The following ERMP1 variants were observed in gnomAD, a reference collection of about 807,000 sequenced individuals.
The protein encoded by ERMP1 is Felix-ina.
Under a neutral mutation model 92.0 loss-of-function variants are expected in ERMP1, and 86 were observed. That is an observed-to-expected ratio of 0.93 (90% CI 0.79 to 1.12). ERMP1 has a LOEUF of 1.12. Among genes scored for constraint, ERMP1 ranks in the 50% most tolerant of loss-of-function variants. The pLI, the probability that ERMP1 is intolerant of heterozygous loss-of-function variation, is 0.00. For synonymous variants in ERMP1, 530 were observed against 412.8 expected (o/e 1.28, Z -3.44); for missense variants, 1,342 against 1,116.3 (o/e 1.20, Z -2.88).
chr9:5,854,626 G>C (rs963835388), intron 6 of ERMP1, among the ~76,000 whole-genome samples: 3 of 152,104 alleles, frequency 2.0e-5, no homozygotes, highest in Non-Finnish European at 2.9e-5. Context: ...TCACCTCCTG[G>C]TTTAAGTAAT....
chr9:5,850,929 C>G (rs975820822), intron 6 of ERMP1, among the ~76,000 whole-genome samples: 4 of 152,124 alleles, frequency 2.6e-5, no homozygotes, highest in Non-Finnish European at 5.9e-5. Flanking sequence ...AAGGTTGCAT[C>G]CTTTGAAAAC....
chr9:5,826,621 T>G (rs1829740086), intron 2 of ERMP1, among the ~76,000 whole-genome samples: 1 of 152,188 alleles, frequency 6.6e-6, no homozygotes, highest in South Asian at 2.1e-4. Flanking sequence ...ATACTTGTCT[T>G]GGTGGTGATT....
At chr9:5,861,173 GT>G (rs1484834489) in intron 5 of ERMP1, among the ~76,000 whole-genome samples, 2,039 of 49,422 alleles carry the variant, frequency 0.041, 25 homozygotes, top group Non-Finnish European at 0.056. Context: ...CTTAGGGGGT[GT>G]GTGTGTGTGT....
At position 5,848,669 on chromosome 9, in the gene ERMP1, T is replaced by G. The variant is rs116308405; in HGVS notation, n.3199+10799A>C. ...TGTTCAGAGCTTGAATGCTTACCAC[T>G]GAGTTAAATGACCTCTCTCTACCTC... On this transcript the variant is annotated intron_variant and non_coding_transcript_variant, in intron 6 of 6. Coordinates refer to the ERMP1 transcript ENST00000690753. 4.2e-3 allele frequency among the ~76,000 whole-genome samples: 617 copies of G among 147,918 alleles called. 2 individuals carry two copies. Among genetic ancestry groups the G allele is most frequent in the African/African-American group, 0.015 (587 of 40,032 alleles).
At chr9:5,809,245 C>T (rs1828995543) in intron 8 of ERMP1, among the ~76,000 whole-genome samples, 2 of 151,864 alleles carry the variant, frequency 1.3e-5, no homozygotes, top group Admixed American at 6.6e-5. Flanking sequence ...TGGTCTCGAT[C>T]TCCTGACCTT....
upstream of ERMP1, among the ~76,000 whole-genome samples, chr9:5,834,556 C>G (rs982342889): frequency 8.5e-5 from 13 of 152,154 alleles, no homozygotes; most frequent in African/African-American, 2.7e-4. Flanking sequence ...TGGCAGCAAG[C>G]ATAATTTTAG....
chr9:5,805,275 T>A, intron 9 of ERMP1, 58 bp from the exon 10 acceptor site: 1 of 1,354,036 alleles, frequency 7.4e-7, no homozygotes, highest in South Asian at 1.4e-5. Context: ...AGATATAAAT[T>A]TTTATAGTAC....
intron 11 of ERMP1, among the ~76,000 whole-genome samples, chr9:5,800,128 G>C (rs1442388796): frequency 6.6e-6 from 1 of 152,146 alleles, no homozygotes; most frequent in Non-Finnish European, 1.5e-5. Flanking sequence ...TCTTGAAGCA[G>C]GATCTTTCAC....
intron 6 of ERMP1, among the ~76,000 whole-genome samples, chr9:5,839,053 C>T (rs1309640688): frequency 6.6e-6 from 1 of 152,126 alleles, no homozygotes; most frequent in Admixed American, 6.6e-5. Flanking sequence ...CATTTTAAGC[C>T]TTAGGAAGGC....
At position 5,812,235 on chromosome 9, in the gene ERMP1, A is replaced by G. The variant is rs775203707; in HGVS notation, c.1022-18T>C. On this transcript the variant is annotated intron_variant, in intron 5 of 14. Transcript: ENST00000339450. Reference sequence around the variant, plus strand: ...GTCTATTCCTAAAACATATATATAGAAAAAAAAAAGTCATTTTGCTTTAAA... The same window carrying G: ...GTCTATTCCTAAAACATATATATAGGAAAAAAAAAGTCATTTTGCTTTAAA... 19 of 1,251,840 alleles carry G rather than the reference A, an allele frequency of 1.5e-5. No homozygotes were observed. The highest frequency in any genetic ancestry group is 9.2e-5 in the South Asian group (6 of 65,272). 77.5% of individuals were successfully genotyped at this position (1,251,840 alleles called of 1,614,324 possible).
chr9:5,821,018 T>C (rs2131258354), intron 4 of ERMP1, among the ~76,000 whole-genome samples: 1 of 152,298 alleles, frequency 6.6e-6, no homozygotes, highest in East Asian at 1.9e-4. Context: ...GAAAAAATCA[T>C]GTAAAATTTC....
chr9:5,810,291 A>T lies in ERMP1; in HGVS notation c.1328-60T>A, dbSNP rs1271757064. On this transcript the variant is annotated intron_variant, in intron 7 of 14. Transcript: ENST00000339450. ...TCTTCATCAAATCAGTTATATAACC[A>T]GTCAGTAGAGCTAAATGGGCAAACA... 7 of 1,254,324 alleles carry T rather than the reference A, an allele frequency of 5.6e-6. No homozygotes were observed. In the East Asian group the frequency reaches 1.6e-4, roughly 29 times the overall value. The allele number at this position is 1,254,324 out of a possible 1,614,324, so 77.7% of individuals were successfully genotyped here. A position where few individuals can be genotyped will look rare whatever the true frequency, so the allele number is the denominator to read the frequency against.
rs560206763 is a variant in ERMP1 at position 5,812,410 on chromosome 9, C to T, written c.1022-193G>A. On this transcript the variant is annotated intron_variant, in intron 5 of 14. Transcript: ENST00000339450. Reference sequence around the variant, plus strand: ...CAGTCTATAGCTTTGGTACATAATTCGATACATAATGATTGAAGAAGTATA... The same window carrying T: ...CAGTCTATAGCTTTGGTACATAATTTGATACATAATGATTGAAGAAGTATA... 2.4e-4 allele frequency among the ~76,000 whole-genome samples: 37 copies of T among 152,166 alleles called. 1 individual carries two copies. The South Asian group carries it at 4.8e-3, about 20-fold the overall frequency.
At chr9:5,828,878 G>C (rs7037680) in intron 2 of ERMP1, among the ~76,000 whole-genome samples, 143,802 of 152,200 alleles carry the variant, frequency 0.94, 68,451 homozygotes, top group East Asian at 1. Context: ...TTTATTTGCC[G>C]CTTCCCAGAA....
rs2131193140 is a variant in ERMP1, at chr9:5,787,658, TC to T, written c.2387-66del. The T allele has an allele frequency of 2.7e-6, 4 of 1,500,644 alleles. No homozygotes were observed. In the East Asian group the frequency reaches 9.1e-5, roughly 34 times the overall value. The allele number at this position is 1,500,644 out of a possible 1,614,324, so 93.0% of individuals were successfully genotyped here. On this transcript the variant is annotated intron_variant, in intron 13 of 14. Coordinates refer to ENST00000339450, the MANE Select transcript of ERMP1 (RefSeq NM_024896.3). Reference sequence around the variant, plus strand: ...AAAGGATCAAAAAAATAACCCACAATCCAAACCAGACTTCATAAAGGTTCAT... The same window carrying T: ...AAAGGATCAAAAAAATAACCCACAATCAAACCAGACTTCATAAAGGTTCAT...
intron 4 of ERMP1, among the ~76,000 whole-genome samples, chr9:5,820,534 C>G (rs1024115374): frequency 6.6e-6 from 1 of 152,186 alleles, no homozygotes; most frequent in African/African-American, 2.4e-5. Context: ...CTCTCTCACT[C>G]ATGAAATGAG....
At chr9:5,819,050 CCCAGGAATTCCATT>C (rs1228105438) in intron 4 of ERMP1, among the ~76,000 whole-genome samples, 4 of 152,166 alleles carry the variant, frequency 2.6e-5, no homozygotes, top group Non-Finnish European at 5.9e-5. Flanking sequence ...TACTATACAT[CCCAGGAATTCCATT>C]CCTAGGTATC....
Position 5,805,197 on chromosome 9 carries a change from C to G in ERMP1, c.1744G>C (p.Ala582Pro). ...ATAAACATCCCCAAAAGGTAAAAAG[C>G]AATAAATTTTCCTTGGGCACCTAGG... The part of the protein sequence containing the change: ...KQHGAQGKFI[A>P]FYLLGMFIPY... Residue 582 changes from alanine (A) to proline (P), a missense_variant, in exon 10 of 15, where the codon GCT (alanine) becomes CCT (proline). Transcript: ENST00000339450. 1 of 1,605,286 alleles carries G rather than the reference C, an allele frequency of 6.2e-7. No homozygotes were observed. Among genetic ancestry groups the G allele is most frequent in the Non-Finnish European group, 8.5e-7 (1 of 1,177,278 alleles).
intron 8 of ERMP1, among the ~76,000 whole-genome samples, chr9:5,808,175 T>C (rs1332865628): frequency 2.0e-5 from 3 of 152,174 alleles, no homozygotes; most frequent in Non-Finnish European, 4.4e-5. Flanking sequence ...TAAAGAATAT[T>C]TGTGAAAAGA....
Sources: gnomAD v4.1 joint callset for allele counts (sites outside exome capture counted in the v4.1 genomes callset) on GRCh38, gnomAD v4.1.1 for gene constraint, MANE v1.5 for transcripts, NCBI Gene and HGNC (gene_info 2026-07-23, HGNC 2026-07-21) for gene names.